AQR: variants seen among roughly 807,000 people sequenced by gnomAD.
AQR encodes the protein aquarius intron-binding spliceosomal factor.
In AQR, 61 loss-of-function variants were observed where a neutral mutation model predicts 180.5. The observed-to-expected ratio is 0.34, with a 90% confidence interval of 0.28 to 0.42. The LOEUF is 0.42. AQR is among the 10% of genes least tolerant of loss of function. AQR has a pLI of 1.00. For synonymous variants in AQR, 551 were observed against 588.8 expected (o/e 0.94, Z 0.93); for missense variants, 1,281 against 1,798.3 (o/e 0.71, Z 5.20).
chr15:34,936,484 G>A (rs756777283), intron 9 of AQR, among the ~76,000 whole-genome samples: 2 of 152,198 alleles, frequency 1.3e-5, no homozygotes, highest in Non-Finnish European at 2.9e-5. Context: ...GGGAGGCCGA[G>A]GAGGGTGGAT....
At chr15:34,937,720 C>T (rs1452467641) in intron 9 of AQR, among the ~76,000 whole-genome samples, 1 of 151,374 alleles carries the variant, frequency 6.6e-6, no homozygotes, top group African/African-American at 2.4e-5. Flanking sequence ...CTCGTCTCTA[C>T]TAAAAATACA....
rs771467704 is a variant in AQR, at chr15:34,932,348, A to G, written c.870T>C (p.Arg290=). 3.7e-6 allele frequency: 6 copies of G among 1,613,740 alleles called. No individual in the cohort carries two copies. The highest frequency in any genetic ancestry group is 4.2e-6 in the Non-Finnish European group (5 of 1,179,646). ...AAAAAAGATGGCCATCCTCTTCTCT[A>G]CGAACAAGATTGGAAAGGTAACAGT... The part of the protein sequence containing the change: ...LVHCYLSNLV[R]REEDGHLFSQ... Residue 290 remains arginine (R), a synonymous_variant, in exon 11 of 35, where the codon CGT becomes CGC. Transcript: ENST00000156471.
At chr15:34,947,117 T>C (rs1894139784) in intron 5 of AQR, among the ~76,000 whole-genome samples, 1 of 152,078 alleles carries the variant, frequency 6.6e-6, no homozygotes, top group Non-Finnish European at 1.5e-5. Flanking sequence ...TTGCCGTGTC[T>C]GTGTAGAAAG....
intron 1 of AQR, among the ~76,000 whole-genome samples, chr15:34,966,323 TAAAA>T (rs1566793815): frequency 6.6e-6 from 1 of 152,132 alleles, no homozygotes. Context: ...GAAATTAAAT[TAAAA>T]AGAAAGAAGA....
intron 3 of AQR, among the ~76,000 whole-genome samples, chr15:34,955,209 AT>A (rs377132989): frequency 1.3e-5 from 2 of 152,168 alleles, no homozygotes; most frequent in Non-Finnish European, 2.9e-5. Flanking sequence ...TTGGATGGTT[AT>A]TTTTTTAAGT....
rs868724725 is a variant in AQR at position 34,946,580 on chromosome 15, G to A, written c.330+1684C>T. On this transcript the variant is annotated intron_variant, in intron 5 of 34. Coordinates refer to ENST00000156471, the MANE Select transcript of AQR (RefSeq NM_014691.3). ...AGCCGCCCCGTCCGGGAGGGAGGTG[G>A]GGGGGGTCAGCCCCCAGCCCGGCCA... 2.8e-3 allele frequency among the ~76,000 whole-genome samples: 406 copies of A among 147,540 alleles called. 5 individuals are homozygous for A. The highest frequency in any genetic ancestry group is 9.7e-3 in the African/African-American group (389 of 39,906).
intron 15 of AQR, among the ~76,000 whole-genome samples, chr15:34,917,820 T>A (rs1215493881): frequency 8.0e-5 from 10 of 125,730 alleles, no homozygotes; most frequent in Middle Eastern, 4.0e-3. Flanking sequence ...TTGTCTCTAC[T>A]AAAAAAAAAA....
At chr15:34,886,785 C>A in intron 24 of AQR, 124 bp from the exon 25 acceptor site, 2 of 955,148 alleles carry the variant, frequency 2.1e-6, no homozygotes, top group Non-Finnish European at 3.0e-6. Context: ...GATATGGCTT[C>A]TATTTAACTA....
chr15:34,926,508 G>T (rs188166228), intron 13 of AQR, among the ~76,000 whole-genome samples: 1 of 152,114 alleles, frequency 6.6e-6, no homozygotes, highest in Non-Finnish European at 1.5e-5. Flanking sequence ...TACCTTATAC[G>T]TAAAATGGTA....
At chr15:34,938,622 T>C (rs1286658487) in intron 9 of AQR, 115 bp downstream of exon 9, 3 of 685,512 alleles carry the variant, frequency 4.4e-6, no homozygotes, top group Non-Finnish European at 5.1e-6. Context: ...GACATACACT[T>C]TGCCAATACA....
At chr15:34,871,054 A>T in intron 30 of AQR, 132 bp from the exon 31 acceptor site, 1 of 727,748 alleles carries the variant, frequency 1.4e-6, no homozygotes, top group Non-Finnish European at 2.2e-6. Context: ...AGTAACTTGG[A>T]TAAGTGAGTA....
chr15:34,862,245 G>C (rs1217571968), intron 33 of AQR, among the ~76,000 whole-genome samples: 2 of 152,054 alleles, frequency 1.3e-5, no homozygotes, highest in Non-Finnish European at 2.9e-5. Flanking sequence ...CTATTTCCAA[G>C]TAAGTAGTTA....
intron 3 of AQR, among the ~76,000 whole-genome samples, chr15:34,954,504 A>G (rs931898809): frequency 1.3e-5 from 2 of 151,698 alleles, no homozygotes; most frequent in African/African-American, 4.8e-5. Flanking sequence ...ATGAAGTCTC[A>G]CTATGTTGCC....
intron 3 of AQR, among the ~76,000 whole-genome samples, chr15:34,956,378 T>C (rs1002735274): frequency 6.6e-6 from 1 of 151,984 alleles, no homozygotes; most frequent in African/African-American, 2.4e-5. Context: ...AGGCCGGGTG[T>C]GGTGGCTCAC....
intron 11 of AQR, among the ~76,000 whole-genome samples, chr15:34,930,960 C>T (rs1365633068): frequency 6.6e-6 from 1 of 151,784 alleles, no homozygotes; most frequent in Non-Finnish European, 1.5e-5. Flanking sequence ...CCTCAGCCTC[C>T]GGAGTAGCTG....
chr15:34,960,092 T>G (rs1225271788), intron 3 of AQR, among the ~76,000 whole-genome samples: 2 of 152,266 alleles, frequency 1.3e-5, no homozygotes, highest in Non-Finnish European at 2.9e-5. Context: ...AGATGGCCTT[T>G]GACCCATTTA....
chr15:34,856,861 T>A lies in AQR; in HGVS notation c.4389A>T (p.Gly1463=), dbSNP rs757219744. Residue 1463 remains glycine, a synonymous_variant, in exon 35 of 35, where the codon GGA becomes GGT. Coordinates refer to ENST00000156471, the MANE Select transcript of AQR (RefSeq NM_014691.3). ...TAGCTTCTGCCGGTGCAGATACAGC[T>A]CCTACCACAGTAGGGGTGGTCTCAG... ...ALSETTPTVV[G]AVSAPAEANT... 1.2e-6 allele frequency: 2 copies of A among 1,612,268 alleles called. No individual in the cohort carries two copies. Among genetic ancestry groups the A allele is most frequent in the Non-Finnish European group, 1.7e-6 (2 of 1,179,070 alleles).
intron 17 of AQR, among the ~76,000 whole-genome samples, 177 bp from the exon 18 acceptor site, chr15:34,906,889 C>T (rs1893427056): frequency 6.6e-6 from 1 of 152,082 alleles, no homozygotes; most frequent in Non-Finnish European, 1.5e-5. Flanking sequence ...CTTTAATACT[C>T]AATATTTCAT....
Position 34,855,671 on chromosome 15 carries a change from T to G in AQR, c.*1121A>C, listed in dbSNP as rs1294152622. ...TCATGTGAAGACAACACAGTAATCT[T>G]AGTACAGTGCTTCTCAAACTACAAA... On this transcript the variant is annotated 3_prime_UTR_variant, in exon 35 of 35. Transcript: ENST00000156471. 3.9e-5 allele frequency: 6 copies of G among 152,156 alleles called. No homozygotes were observed. The highest frequency in any genetic ancestry group is 7.4e-5 in the Non-Finnish European group (5 of 68,020). 9.4% of individuals were successfully genotyped at this position (152,156 alleles called of 1,614,324 possible).
Sources: gnomAD v4.1 joint callset for allele counts (sites outside exome capture counted in the v4.1 genomes callset) on GRCh38, gnomAD v4.1.1 for gene constraint, MANE v1.5 for transcripts, NCBI Gene and HGNC (gene_info 2026-07-23, HGNC 2026-07-21) for gene names.